CAMK2D: variants seen among roughly 807,000 people sequenced by gnomAD.
CAMK2D encodes calcium/calmodulin dependent protein kinase II delta.
In CAMK2D, 37 loss-of-function variants were observed where a neutral mutation model predicts 84.0. The observed-to-expected ratio is 0.44, with a 90% CI of 0.34 to 0.58. The LOEUF (loss-of-function observed/expected upper bound fraction) is 0.58, where lower values mean the gene tolerates loss of function less well. Among genes scored for constraint, CAMK2D ranks in the 20% least tolerant of loss-of-function variants. CAMK2D has a pLI of 0.02. For missense variants in CAMK2D, 448 were observed against 652.5 expected (o/e 0.69, Z 3.41); for synonymous variants, 202 against 212.5 (o/e 0.95, Z 0.43).
chr4:113,481,606 A>G (rs1376457673), intron 16 of CAMK2D, among the ~76,000 whole-genome samples: 1 of 152,088 alleles, frequency 6.6e-6, no homozygotes, highest in Admixed American at 6.5e-5. Flanking sequence ...CAGCCTCCCA[A>G]GTAGCTGAGA....
chr4:113,622,938 G>T (rs1056213643), intron 3 of CAMK2D, among the ~76,000 whole-genome samples: 1 of 152,104 alleles, frequency 6.6e-6, no homozygotes, highest in Non-Finnish European at 1.5e-5. Flanking sequence ...TTAATCAGGA[G>T]TCTGCAAACC....
chr4:113,517,750 TTAAAACAGAGAAAAC>T lies in CAMK2D; in HGVS notation c.602-108_602-94del. 4.6e-6 allele frequency: 3 copies of T among 647,450 alleles called. No individual in the cohort carries two copies. In the South Asian group the frequency reaches 6.0e-5, roughly 13 times the overall value. 40.1% of individuals were successfully genotyped at this position (647,450 alleles called of 1,614,324 possible). ...CCACAATGATATTAAGCCGTAGTTG[TTAAAACAGAGAAAAC>T]TGGATTGTAGGAAAACTTCAGAAAG... On this transcript the variant is annotated intron_variant, in intron 8 of 20. Coordinates refer to ENST00000511664, the MANE Select transcript of CAMK2D (RefSeq NM_001321571.2).
At chr4:113,704,988 C>G (rs1194169783) in intron 2 of CAMK2D, among the ~76,000 whole-genome samples, 1 of 151,630 alleles carries the variant, frequency 6.6e-6, no homozygotes, top group African/African-American at 2.4e-5. Flanking sequence ...TTGCTGTTAC[C>G]AAGTTATATT....
At chr4:113,575,110 T>C (rs555907866) in intron 4 of CAMK2D, among the ~76,000 whole-genome samples, 1 of 152,322 alleles carries the variant, frequency 6.6e-6, no homozygotes, top group African/African-American at 2.4e-5. Flanking sequence ...CTGGAGAATG[T>C]AGGCTGTTAA....
chr4:113,474,894 G>A (rs557527409), intron 16 of CAMK2D, among the ~76,000 whole-genome samples: 58 of 152,232 alleles, frequency 3.8e-4, no homozygotes, highest in African/African-American at 1.3e-3. Flanking sequence ...TGATCTGCCC[G>A]CCTCGACCTC....
At chr4:113,605,996 A>G (rs1281594901) in intron 4 of CAMK2D, among the ~76,000 whole-genome samples, 3 of 152,232 alleles carry the variant, frequency 2.0e-5, no homozygotes, top group Admixed American at 1.3e-4. Flanking sequence ...CAACACCAAG[A>G]TAACAATGCT....
intron 2 of CAMK2D, among the ~76,000 whole-genome samples, chr4:113,716,533 C>T (rs1308745482): frequency 1.3e-5 from 2 of 151,654 alleles, no homozygotes; most frequent in East Asian, 1.9e-4. Flanking sequence ...CACCTGTAGT[C>T]CCAGTTACTC....
At chr4:113,564,998 C>T (rs2098715458) in intron 4 of CAMK2D, among the ~76,000 whole-genome samples, 1 of 152,160 alleles carries the variant, frequency 6.6e-6, no homozygotes, top group African/African-American at 2.4e-5. Context: ...ACATGCTTGG[C>T]TATTACTACA....
At chr4:113,518,586 T>C (rs1317903863) in intron 8 of CAMK2D, among the ~76,000 whole-genome samples, 1 of 152,160 alleles carries the variant, frequency 6.6e-6, no homozygotes, top group African/African-American at 2.4e-5. Flanking sequence ...CCTAGCTCAT[T>C]ATCCTGGAGG....
chr4:113,491,937 T>C (rs2097849803), intron 16 of CAMK2D, among the ~76,000 whole-genome samples: 1 of 152,192 alleles, frequency 6.6e-6, no homozygotes, highest in South Asian at 2.1e-4. Flanking sequence ...GTAGAGCTGT[T>C]TGTAGTATTC....
At chr4:113,738,747 T>C (rs1011751808) in intron 2 of CAMK2D, among the ~76,000 whole-genome samples, 1 of 152,088 alleles carries the variant, frequency 6.6e-6, no homozygotes, top group Admixed American at 6.6e-5. Context: ...CAATATGAAC[T>C]TTCCCATGTC....
At chr4:113,725,253 C>G (rs994644493) in intron 2 of CAMK2D, among the ~76,000 whole-genome samples, 1 of 151,766 alleles carries the variant, frequency 6.6e-6, no homozygotes, top group Non-Finnish European at 1.5e-5. Flanking sequence ...AGCAATTAAG[C>G]TAAAAAAGAT....
At chr4:113,760,927 A>C in intron 1 of CAMK2D, 77 bp downstream of exon 1, 2 of 1,577,752 alleles carry the variant, frequency 1.3e-6, no homozygotes, top group Non-Finnish European at 8.7e-7. Flanking sequence ...CCCAAGACGG[A>C]GGCCGGTGGG....
intron 3 of CAMK2D, among the ~76,000 whole-genome samples, chr4:113,660,576 A>G (rs2099225210): frequency 1.3e-5 from 2 of 152,024 alleles, no homozygotes; most frequent in Non-Finnish European, 2.9e-5. Context: ...TAGTTTGTAG[A>G]GATATGGTCT....
intron 4 of CAMK2D, 134 bp from the exon 5 acceptor site, chr4:113,552,230 A>G (rs2098634274): frequency 1.9e-6 from 1 of 535,488 alleles, no homozygotes; most frequent in Non-Finnish European, 3.4e-6. Flanking sequence ...AAAACATGAG[A>G]CAGTGTTCGT....
intron 4 of CAMK2D, among the ~76,000 whole-genome samples, chr4:113,579,698 A>C (rs1417701161): frequency 6.6e-6 from 1 of 152,216 alleles, no homozygotes; most frequent in Admixed American, 6.5e-5. Flanking sequence ...TACAGTCTAC[A>C]AAACTATGAG....
intron 4 of CAMK2D, among the ~76,000 whole-genome samples, chr4:113,586,836 C>T (rs1047556291): frequency 2.6e-5 from 4 of 152,010 alleles, no homozygotes; most frequent in Non-Finnish European, 4.4e-5. Context: ...ATTGGTGGTC[C>T]GTTAGCTCCA....
intron 16 of CAMK2D, among the ~76,000 whole-genome samples, chr4:113,475,045 T>C (rs905563792): frequency 2.6e-5 from 4 of 152,224 alleles, no homozygotes; most frequent in African/African-American, 4.8e-5. Flanking sequence ...ACAGTCATGA[T>C]AGTAGGTTTT....
At chr4:113,601,703 T>TTTTTTTTC (rs2098953594) in intron 4 of CAMK2D, among the ~76,000 whole-genome samples, 1 of 130,064 alleles carries the variant, frequency 7.7e-6, no homozygotes, top group Non-Finnish European at 1.7e-5. Context: ...TTTTTTTTTT[T>TTTTTTTTC]TTTTTTTCAT....
Sources: allele counts gnomAD v4.1 joint callset (sites outside exome capture counted in the v4.1 genomes callset), GRCh38; gene constraint gnomAD v4.1.1; transcripts MANE v1.5; gene names NCBI Gene and HGNC (gene_info 2026-07-23, HGNC 2026-07-21).